The following RBBP4 variants were observed in gnomAD, a reference collection of about 807,000 sequenced individuals.
RBBP4 encodes the protein RB binding protein 4, chromatin remodeling factor, also known as histone-binding protein RBBP4.
A neutral mutation model predicts 57.2 loss-of-function variants in RBBP4; 3 were observed. The observed-to-expected ratio is 0.05, with a 90% CI of 0.02 to 0.14. The LOEUF (loss-of-function observed/expected upper bound fraction) is 0.14. Ranked by LOEUF, RBBP4 falls within the 10% of genes least tolerant of loss-of-function variation. RBBP4 has a pLI of 1.00. For synonymous variants in RBBP4, 151 were observed against 171.5 expected (o/e 0.88, Z 0.93); for missense variants, 107 against 520.6 (o/e 0.21, Z 7.73).
At chr1:32,657,731 A>G in intron 3 of RBBP4, 159 bp downstream of exon 3, 1 of 765,146 alleles carries the variant, frequency 1.3e-6, no homozygotes, top group Non-Finnish European at 1.9e-6. Flanking sequence ...AGTTTTAGGT[A>G]TCAGAAGAAA....
Position 32,667,381 on chromosome 1 carries a change from G to T in RBBP4, c.311-844G>T, listed in dbSNP as rs1258959215. 2.0e-5 allele frequency among the ~76,000 whole-genome samples: 3 copies of T among 152,290 alleles called. No individual in the cohort carries two copies. In the East Asian group the frequency reaches 5.8e-4, roughly 29 times the overall value. On this transcript the variant is annotated intron_variant, in intron 3 of 11. Transcript: ENST00000373493. ...CTGCTTCAGCTGCCTGAAAGGGAAG[G>T]GCCCCTGTCCCATGATCATGTGACT...
Position 32,682,422 on chromosome 1 carries a change from C to G in RBBP4, c.*2717C>G, listed in dbSNP as rs1337578092. 2.4e-5 allele frequency: 3 copies of G among 124,368 alleles called. No homozygotes were observed. Among genetic ancestry groups the G allele is most frequent in the Admixed American group, 9.3e-5 (1 of 10,754 alleles). The allele number at this position is 124,368 out of a possible 1,614,324, so 7.7% of individuals were successfully genotyped here. On this transcript the variant is annotated 3_prime_UTR_variant, in exon 12 of 12. Coordinates refer to ENST00000373493, the MANE Select transcript of RBBP4 (RefSeq NM_005610.3). ...AAAATAGCAAGACCCGACCCCCCAT[C>G]TCTACTAAAAAGAAATTTAAAAAAA...
chr1:32,662,200 G>C (rs773885364), intron 3 of RBBP4: 3 of 338,408 alleles, frequency 8.9e-6, no homozygotes, highest in Non-Finnish European at 1.8e-5. Flanking sequence ...GTTTTTTTGG[G>C]GTTTTGTTTT....
Position 32,682,845 on chromosome 1 carries a change from A to G in RBBP4, c.*3140A>G, listed in dbSNP as rs965400260. 2.0e-5 allele frequency: 3 copies of G among 152,320 alleles called. No individual in the cohort carries two copies. Among genetic ancestry groups the G allele is most frequent in the South Asian group, 2.1e-4 (1 of 4,826 alleles). 9.4% of individuals were successfully genotyped at this position (152,320 alleles called of 1,614,324 possible). A position where few individuals can be genotyped will look rare whatever the true frequency, so the allele number is the denominator to read the frequency against. The stretch of plus-strand genomic sequence containing the variant: ...TTTATAGGCATCTGTATAATGTACA[A>G]CTTGACACGGACTTTCTTTTATCCT... On this transcript the variant is annotated 3_prime_UTR_variant, in exon 12 of 12. Coordinates refer to ENST00000373493, the MANE Select transcript of RBBP4 (RefSeq NM_005610.3).
At chr1:32,673,386 C>CA in intron 11 of RBBP4, 1 of 377,458 alleles carries the variant, frequency 2.6e-6, no homozygotes, top group Non-Finnish European at 5.1e-6. Context: ...GTCTAGATTT[C>CA]AAAAATGTTC....
chr1:32,680,777 T>C lies in RBBP4; in HGVS notation c.*1072T>C, dbSNP rs1461503866. On this transcript the variant is annotated 3_prime_UTR_variant, in exon 12 of 12. Coordinates refer to ENST00000373493, the MANE Select transcript of RBBP4 (RefSeq NM_005610.3). ...TTTGACTATCAAGAGCAGAATTAAATGTAATAGTCCCAGAGCTGTAGAAAA... is the reference window on the plus strand; with the variant it reads ...TTTGACTATCAAGAGCAGAATTAAACGTAATAGTCCCAGAGCTGTAGAAAA... 2 of 488,610 alleles carry C rather than the reference T, an allele frequency of 4.1e-6. No homozygotes were observed. Among genetic ancestry groups the C allele is most frequent in the Non-Finnish European group, 7.3e-6 (2 of 272,164 alleles). The allele number at this position is 488,610 out of a possible 1,614,324, so 30.3% of individuals were successfully genotyped here. A position where few individuals can be genotyped will look rare whatever the true frequency, so the allele number is the denominator to read the frequency against.
At position 32,657,801 on chromosome 1, in the gene RBBP4, G is replaced by A. The variant is rs147636479; in HGVS notation, c.310+229G>A. The A allele has an allele frequency of 2.6e-5, 11 of 416,272 alleles. 1 individual carries two copies. Among genetic ancestry groups the A allele is most frequent in the South Asian group, 2.4e-4 (4 of 16,474 alleles). The allele number at this position is 416,272 out of a possible 1,614,324, so 25.8% of individuals were successfully genotyped here. A position where few individuals can be genotyped will look rare whatever the true frequency, so the allele number is the denominator to read the frequency against. ...TAAACTTTTCTCAGCTGGTGCTGGT[G>A]GGGAGGATTTCTGCAATTGAAAGAA... On this transcript the variant is annotated intron_variant, in intron 3 of 11. Coordinates refer to ENST00000373493, the MANE Select transcript of RBBP4 (RefSeq NM_005610.3).
chr1:32,658,812 C>G (rs1372596191), intron 3 of RBBP4, among the ~76,000 whole-genome samples: 3 of 151,490 alleles, frequency 2.0e-5, no homozygotes, highest in Non-Finnish European at 4.4e-5. Flanking sequence ...GTTCTTGTTA[C>G]TGAGGCACAA....
At chr1:32,663,817 C>G (rs1293187856) in intron 3 of RBBP4, among the ~76,000 whole-genome samples, 2 of 152,106 alleles carry the variant, frequency 1.3e-5, no homozygotes, top group African/African-American at 4.8e-5. Flanking sequence ...ACCTCGTGAT[C>G]CGCCTGCCTC....
chr1:32,670,951 T>C (rs1310886483), intron 8 of RBBP4, among the ~76,000 whole-genome samples: 2 of 149,506 alleles, frequency 1.3e-5, no homozygotes, highest in East Asian at 3.9e-4. Flanking sequence ...CCTTACCCTA[T>C]CTCTTTGCTT....
intron 8 of RBBP4, among the ~76,000 whole-genome samples, chr1:32,671,497 C>T (rs533342050): frequency 2.0e-5 from 3 of 152,134 alleles, no homozygotes; most frequent in African/African-American, 4.8e-5. Context: ...GCAGGAGAAT[C>T]GCTTGAACAT....
intron 4 of RBBP4, 57 bp from the exon 5 acceptor site, chr1:32,668,682 C>T (rs993891299): frequency 3.6e-6 from 5 of 1,384,026 alleles, no homozygotes; most frequent in African/African-American, 2.9e-5. Context: ...CCATTATGCT[C>T]AGTAGGCCCA....
At chr1:32,678,585 TTTTTTTTTTTTTTTTTTTTTTTG>T in intron 11 of RBBP4, among the ~76,000 whole-genome samples, 1 of 113,266 alleles carries the variant, frequency 8.8e-6, no homozygotes, top group African/African-American at 3.6e-5. Context: ...TTTTTTTTTT[TTTTTTTTTTTTTTTTTTTTTTTG>T]GCACACAGTC....
rs199773494 is a variant in RBBP4, at chr1:32,668,720, T to C, written c.485-19T>C. On this transcript the variant is annotated intron_variant, in intron 4 of 11. Coordinates refer to ENST00000373493, the MANE Select transcript of RBBP4 (RefSeq NM_005610.3). The stretch of plus-strand genomic sequence containing the variant: ...GAGCCAGTGGACTGGGTAGTCTTGA[T>C]GTGTCTGTCACTTTGCAGATCCTTC... 2.9e-5 allele frequency: 46 copies of C among 1,596,982 alleles called. No homozygotes were observed. The highest frequency in any genetic ancestry group is 2.3e-5 in the Non-Finnish European group (27 of 1,166,172).
intron 11 of RBBP4, among the ~76,000 whole-genome samples, chr1:32,675,777 TAATAAA>T (rs1444499450): frequency 6.6e-6 from 1 of 150,920 alleles, no homozygotes; most frequent in African/African-American, 2.4e-5. Flanking sequence ...TCAAAAAAAA[TAATAAA>T]AATAAATTTA....
intron 3 of RBBP4, among the ~76,000 whole-genome samples, chr1:32,665,632 C>T (rs1040304765): frequency 2.0e-5 from 3 of 147,204 alleles, no homozygotes; most frequent in African/African-American, 5.0e-5. Flanking sequence ...GAGCCGAGAT[C>T]GTGCCATTAC....
At position 32,680,452 on chromosome 1, in the gene RBBP4, A is replaced by AAG. The variant is rs1649364898; in HGVS notation, c.*750_*751dup. On this transcript the variant is annotated 3_prime_UTR_variant, in exon 12 of 12. Transcript: ENST00000373493. The stretch of plus-strand genomic sequence containing the variant: ...ACCACAGGTAGACTGTCAAGTTGAG[A>AAG]AGAGTGAATCAATAACTTGTATTTG... 8.5e-6 allele frequency: 13 copies of AAG among 1,520,484 alleles called. No individual in the cohort carries two copies. The South Asian group carries it at 1.6e-4, about 19-fold the overall frequency. 94.2% of individuals were successfully genotyped at this position (1,520,484 alleles called of 1,614,324 possible).
rs773997312 is a variant in RBBP4, at chr1:32,668,729, C to T, written c.485-10C>T. The stretch of plus-strand genomic sequence containing the variant: ...GACTGGGTAGTCTTGATGTGTCTGT[C>T]ACTTTGCAGATCCTTCTGGAGAGTG... On this transcript the variant is annotated splice_polypyrimidine_tract_variant and intron_variant, in intron 4 of 11. Transcript: ENST00000373493. The T allele has an allele frequency of 2.5e-6, 4 of 1,607,284 alleles. No individual in the cohort carries two copies. Among genetic ancestry groups the T allele is most frequent in the Non-Finnish European group, 3.4e-6 (4 of 1,175,392 alleles).
intron 8 of RBBP4, among the ~76,000 whole-genome samples, chr1:32,671,791 G>T (rs1648889215): frequency 1.3e-5 from 2 of 151,854 alleles, no homozygotes; most frequent in Admixed American, 1.3e-4. Context: ...TACCTGGGAG[G>T]CTAAGGTGGG....
Sources: gnomAD v4.1 joint callset for allele counts (sites outside exome capture counted in the v4.1 genomes callset) on GRCh38, gnomAD v4.1.1 for gene constraint, MANE v1.5 for transcripts, NCBI Gene and HGNC (gene_info 2026-07-23, HGNC 2026-07-21) for gene names.